C12orf42: variants seen among roughly 807,000 people sequenced by gnomAD.
C12orf42 encodes the protein chromosome 12 open reading frame 42.
Under a neutral mutation model 21.6 loss-of-function variants are expected in C12orf42, and 25 were observed. That is an observed-to-expected ratio of 1.16 (90% CI 0.84 to 1.62). C12orf42 has a LOEUF of 1.62. Among genes scored for constraint, C12orf42 ranks in the 40% most tolerant of loss-of-function variants. C12orf42 has a pLI of 0.00. For synonymous variants in C12orf42, 174 were observed against 175.0 expected (o/e 0.99, Z 0.05); for missense variants, 483 against 459.3 (o/e 1.05, Z -0.47).
chr12:103,320,897 A>T (rs11111528), intron 4 of C12orf42, among the ~76,000 whole-genome samples: 12,154 of 150,886 alleles, frequency 0.081, 493 homozygotes, highest in East Asian at 0.18. Context: ...TACCTTTTTT[A>T]AAAAAAAATA....
upstream of C12orf42, among the ~76,000 whole-genome samples, chr12:103,497,280 C>G (rs2138266518): frequency 6.6e-6 from 1 of 152,274 alleles, no homozygotes; most frequent in Middle Eastern, 3.4e-3. Context: ...ATTCTACCCA[C>G]CATTTTACTT....
the C12orf42 span, among the ~76,000 whole-genome samples, chr12:103,507,203 ATT>A: frequency 5.6e-5 from 2 of 35,544 alleles, no homozygotes; most frequent in Non-Finnish European, 8.0e-5. Flanking sequence ...ATATATTTAT[ATT>A]ATATATATAA....
At position 103,302,564 on chromosome 12, in the gene C12orf42, AAGGCAAAGC is replaced by A. The variant is rs1566037706; in HGVS notation, c.632-14_632-6del. ...TGGAAGGTCTGGCGGCAGAACCTGG[AAGGCAAAGC>A]AGGAAAGCAGGACAGAGATGAGGCT... On this transcript the variant is annotated splice_region_variant and splice_polypyrimidine_tract_variant and intron_variant, in intron 5 of 5. Coordinates refer to ENST00000548883, the MANE Select transcript of C12orf42 (RefSeq NM_198521.5). 1 of 1,600,588 alleles carries A rather than the reference AAGGCAAAGC, an allele frequency of 6.2e-7. No individual in the cohort carries two copies. The highest frequency in any genetic ancestry group is 8.5e-7 in the Non-Finnish European group (1 of 1,174,756).
intron 3 of C12orf42, among the ~76,000 whole-genome samples, chr12:103,374,900 CT>C (rs1384840378): frequency 2.0e-5 from 3 of 152,216 alleles, no homozygotes; most frequent in Non-Finnish European, 1.5e-5. Flanking sequence ...ACAATGCTCA[CT>C]TTGTCTTAGT....
chr12:103,358,275 A>G (rs780200221), intron 4 of C12orf42, among the ~76,000 whole-genome samples: 2 of 152,148 alleles, frequency 1.3e-5, no homozygotes, highest in Non-Finnish European at 2.9e-5. Context: ...GAAGAGTGAC[A>G]TTCAAGAGAC....
chr12:103,112,280 C>T, the C12orf42 span, among the ~76,000 whole-genome samples: 1 of 152,178 alleles, frequency 6.6e-6, no homozygotes, highest in Non-Finnish European at 1.5e-5. Flanking sequence ...ATTAGGAATT[C>T]AGCTTAAGAA....
the C12orf42 span, among the ~76,000 whole-genome samples, chr12:103,155,602 A>G: frequency 6.6e-6 from 1 of 151,306 alleles, no homozygotes; most frequent in Non-Finnish European, 1.5e-5. Context: ...GTTATTTCTA[A>G]AGATTTTATT....
At chr12:103,540,009 T>TTGTTTTTGTTTC in the C12orf42 span, among the ~76,000 whole-genome samples, 2 of 152,084 alleles carry the variant, frequency 1.3e-5, no homozygotes, top group Non-Finnish European at 2.9e-5. Flanking sequence ...GTTTTTGTTT[T>TTGTTTTTGTTTC]TGTTTTTGTT....
intron 4 of C12orf42, among the ~76,000 whole-genome samples, chr12:103,308,008 T>C (rs893299789): frequency 3.9e-5 from 6 of 152,206 alleles, no homozygotes; most frequent in African/African-American, 1.4e-4. Flanking sequence ...GCTCTGAAGA[T>C]TGGTGAGCTG....
chr12:103,434,199 A>G (rs1318525191), intron 2 of C12orf42, among the ~76,000 whole-genome samples: 1 of 152,108 alleles, frequency 6.6e-6, no homozygotes, highest in Non-Finnish European at 1.5e-5. Flanking sequence ...TCTTTCCCCA[A>G]CAGCTCCTCT....
upstream of C12orf42, among the ~76,000 whole-genome samples, chr12:103,496,924 T>A (rs955489257): frequency 2.0e-5 from 3 of 151,506 alleles, no homozygotes; most frequent in African/African-American, 7.3e-5. Context: ...ACTTAGCAAC[T>A]CAAACCCATT....
chr12:103,153,145 T>A, the C12orf42 span, among the ~76,000 whole-genome samples: 1 of 152,186 alleles, frequency 6.6e-6, no homozygotes, highest in Non-Finnish European at 1.5e-5. Flanking sequence ...GTGTCCTAAC[T>A]CTTACTTTAC....
chr12:103,176,241 C>T, the C12orf42 span, among the ~76,000 whole-genome samples: 2 of 152,124 alleles, frequency 1.3e-5, no homozygotes, highest in Non-Finnish European at 2.9e-5. Context: ...GGAAAATATT[C>T]TCAAACATAC....
chr12:103,188,189 A>C, the C12orf42 span, among the ~76,000 whole-genome samples: 1 of 152,202 alleles, frequency 6.6e-6, no homozygotes, highest in South Asian at 2.1e-4. Flanking sequence ...AAAGGAGACA[A>C]TTCCCAGAGT....
intron 4 of C12orf42, among the ~76,000 whole-genome samples, chr12:103,362,884 C>T (rs2044240928): frequency 6.6e-6 from 1 of 151,940 alleles, no homozygotes; most frequent in Non-Finnish European, 1.5e-5. Flanking sequence ...ATTGGTGTTC[C>T]TGAGGAAGAA....
chr12:103,401,084 T>A (rs1319437931), intron 3 of C12orf42, among the ~76,000 whole-genome samples: 2 of 152,170 alleles, frequency 1.3e-5, no homozygotes, highest in African/African-American at 4.8e-5. Context: ...CATGTTCACA[T>A]CGTAGTCATT....
At chr12:103,104,000 G>A in the C12orf42 span, among the ~76,000 whole-genome samples, 10 of 152,080 alleles carry the variant, frequency 6.6e-5, no homozygotes, top group Non-Finnish European at 8.8e-5. Flanking sequence ...ATATGTGGGC[G>A]TTGTGCCCAG....
chr12:103,430,815 G>A (rs1423271705), intron 2 of C12orf42, among the ~76,000 whole-genome samples: 1 of 152,156 alleles, frequency 6.6e-6, no homozygotes, highest in African/African-American at 2.4e-5. Context: ...CCTTTGCAGG[G>A]ACATGGATGA....
At chr12:103,442,956 A>G (rs1395088821) in intron 2 of C12orf42, among the ~76,000 whole-genome samples, 2 of 152,136 alleles carry the variant, frequency 1.3e-5, no homozygotes, top group Non-Finnish European at 2.9e-5. Context: ...ACATTCTGAG[A>G]ACTAAGTAGT....
Sources: allele counts gnomAD v4.1 joint callset (sites outside exome capture counted in the v4.1 genomes callset), GRCh38; gene constraint gnomAD v4.1.1; transcripts MANE v1.5; gene names NCBI Gene and HGNC (gene_info 2026-07-23, HGNC 2026-07-21).